Variants in GNA14 observed in about 807,000 individuals in gnomAD.
The protein encoded by GNA14 is G protein subunit alpha 14, also known as guanine nucleotide-binding protein subunit alpha-14.
In GNA14, 50 loss-of-function variants were observed where a neutral mutation model predicts 42.0. The ratio of observed to expected loss-of-function variants is 1.19; its 90% CI spans 0.95 to 1.51. The LOEUF is 1.51. GNA14 is among the 40% of genes most tolerant of loss of function. GNA14 has a pLI of 0.00. For synonymous variants in GNA14, 173 were observed against 163.1 expected, an observed-to-expected ratio of 1.06 and a Z score of -0.46; for missense variants, 473 against 446.2, an observed-to-expected ratio of 1.06 and a Z score of -0.54.
chr9:77,624,545 C>G (rs1376370035), intron 1 of GNA14, among the ~76,000 whole-genome samples: 2 of 152,110 alleles, frequency 1.3e-5, no homozygotes, highest in Non-Finnish European at 1.5e-5. Context: ...TAGCAGATGC[C>G]CCTCTGGGAA....
chr9:77,458,133 C>G (rs1300884052), intron 2 of GNA14, among the ~76,000 whole-genome samples: 1 of 152,204 alleles, frequency 6.6e-6, no homozygotes, highest in Non-Finnish European at 1.5e-5. Context: ...CAAGGGCCTG[C>G]TTATTAACAC....
At chr9:77,472,303 A>G (rs1367734459) in intron 2 of GNA14, among the ~76,000 whole-genome samples, 1 of 152,194 alleles carries the variant, frequency 6.6e-6, no homozygotes, top group East Asian at 1.9e-4. Flanking sequence ...TGATGCTATC[A>G]CTTTCAAAAA....
At chr9:77,561,951 T>C (rs1202075960) in intron 1 of GNA14, among the ~76,000 whole-genome samples, 1 of 152,248 alleles carries the variant, frequency 6.6e-6, no homozygotes, top group Non-Finnish European at 1.5e-5. Flanking sequence ...CCTCTTTTGC[T>C]TCACTTCACT....
At chr9:77,510,599 C>T (rs117354664) in intron 2 of GNA14, among the ~76,000 whole-genome samples, 1 of 152,288 alleles carries the variant, frequency 6.6e-6, no homozygotes, top group South Asian at 2.1e-4. Context: ...GATGGGAGTA[C>T]CCCACAGTCC....
intron 2 of GNA14, among the ~76,000 whole-genome samples, chr9:77,514,787 G>C (rs1337028169): frequency 6.6e-6 from 1 of 151,932 alleles, no homozygotes; most frequent in Non-Finnish European, 1.5e-5. Flanking sequence ...CTAATTTTTT[G>C]TATTTTTAGT....
chr9:77,549,176 C>T (rs1218435616), intron 1 of GNA14, among the ~76,000 whole-genome samples: 2 of 152,314 alleles, frequency 1.3e-5, no homozygotes, highest in Non-Finnish European at 2.9e-5. Context: ...CTTATGATCC[C>T]GCCCACCTCG....
chr9:77,646,836 C>T (rs1564075109), intron 1 of GNA14, among the ~76,000 whole-genome samples: 2 of 152,208 alleles, frequency 1.3e-5, no homozygotes, highest in African/African-American at 2.4e-5. Context: ...TTGGGCAAAC[C>T]TTAAACTGTG....
At chr9:77,528,821 C>G (rs1179989531) in intron 2 of GNA14, among the ~76,000 whole-genome samples, 1 of 152,080 alleles carries the variant, frequency 6.6e-6, no homozygotes, top group Admixed American at 6.6e-5. Flanking sequence ...AATAAGGAAC[C>G]TAAATAACAG....
intron 1 of GNA14, among the ~76,000 whole-genome samples, chr9:77,561,745 G>T (rs1822887152): frequency 6.6e-6 from 1 of 152,182 alleles, no homozygotes; most frequent in Admixed American, 6.5e-5. Flanking sequence ...TGATGCCACT[G>T]AATTATACAC....
At chr9:77,458,145 C>T (rs561188144) in intron 2 of GNA14, among the ~76,000 whole-genome samples, 58 of 152,282 alleles carry the variant, frequency 3.8e-4, no homozygotes, top group Non-Finnish European at 7.5e-4. Context: ...TATTAACACC[C>T]CAGCCTTGCG....
chr9:77,513,833 G>C (rs566827929), intron 2 of GNA14, among the ~76,000 whole-genome samples: 1 of 152,232 alleles, frequency 6.6e-6, no homozygotes, highest in East Asian at 1.9e-4. Flanking sequence ...AATACATTTT[G>C]GTCACCTTAT....
intron 1 of GNA14, among the ~76,000 whole-genome samples, chr9:77,571,354 T>G (rs528806138): frequency 6.6e-5 from 10 of 152,286 alleles, no homozygotes; most frequent in African/African-American, 2.4e-4. Flanking sequence ...TGAAGATATT[T>G]TGGGATAAGT....
intron 1 of GNA14, among the ~76,000 whole-genome samples, chr9:77,543,299 C>T (rs1564049601): frequency 6.6e-6 from 1 of 152,150 alleles, no homozygotes; most frequent in African/African-American, 2.4e-5. Flanking sequence ...AGCTGTGGGG[C>T]TTATGGGTTT....
At chr9:77,490,615 C>T (rs1048520443) in intron 2 of GNA14, among the ~76,000 whole-genome samples, 8 of 152,240 alleles carry the variant, frequency 5.3e-5, no homozygotes, top group African/African-American at 1.7e-4. Flanking sequence ...CCTCCGCAGC[C>T]ACTGGCCTGG....
chr9:77,640,871 CAAAAAAAA>C lies in GNA14; in HGVS notation c.124+6791_124+6798del, dbSNP rs1178043976. Among the ~76,000 whole-genome samples, 125 of 27,372 alleles carry C rather than the reference CAAAAAAAA, an allele frequency of 4.6e-3. 2 individuals carry two copies. Among genetic ancestry groups the C allele is most frequent in the African/African-American group, 0.014 (118 of 8,188 alleles). 18.0% of individuals were successfully genotyped at this position (27,372 alleles called of 152,430 possible). ...TTATGCCAGAAAACAATAAAATGCT[CAAAAAAAA>C]AAAAAAAAAAAAACAACAGACAGAG... On this transcript the variant is annotated intron_variant, in intron 1 of 6. Transcript: ENST00000341700.
intron 1 of GNA14, among the ~76,000 whole-genome samples, chr9:77,620,382 A>G (rs182269722): frequency 9.2e-5 from 14 of 152,350 alleles, no homozygotes; most frequent in African/African-American, 2.4e-4. Context: ...TTGAAAGTTT[A>G]AAAGTATTAA....
At chr9:77,451,956 G>T (rs923646232) in intron 2 of GNA14, among the ~76,000 whole-genome samples, 7 of 152,216 alleles carry the variant, frequency 4.6e-5, no homozygotes, top group African/African-American at 1.7e-4. Flanking sequence ...AAAATTAGAT[G>T]TGGTCTCGTG....
chr9:77,432,775 TG>T (rs1361496767), intron 3 of GNA14, among the ~76,000 whole-genome samples: 1 of 152,040 alleles, frequency 6.6e-6, no homozygotes, highest in Non-Finnish European at 1.5e-5. Flanking sequence ...GCAGGTCTGG[TG>T]GATCTTTTCC....
At chr9:77,522,200 T>A (rs1385987529) in intron 2 of GNA14, among the ~76,000 whole-genome samples, 1 of 152,182 alleles carries the variant, frequency 6.6e-6, no homozygotes, top group Non-Finnish European at 1.5e-5. Flanking sequence ...GATTGTCTTA[T>A]CCATCAGAAG....
Sources: gnomAD v4.1 joint callset for allele counts (sites outside exome capture counted in the v4.1 genomes callset) on GRCh38, gnomAD v4.1.1 for gene constraint, MANE v1.5 for transcripts, NCBI Gene and HGNC (gene_info 2026-07-23, HGNC 2026-07-21) for gene names.